The following CDH9 variants were observed in gnomAD, a reference collection of about 807,000 sequenced individuals.
CDH9 encodes the protein cadherin 9.
A neutral mutation model predicts 70.9 loss-of-function variants in CDH9; 28 were observed. That is an observed-to-expected ratio of 0.40 (90% CI 0.29 to 0.54). The LOEUF is 0.54. Ranked by LOEUF, CDH9 falls within the 20% of genes least tolerant of loss-of-function variation. The probability of loss-of-function intolerance (pLI) is 0.59; values close to 1 mark genes in which losing one functional copy is unlikely to be tolerated. For missense variants in CDH9, 874 were observed against 984.4 expected, an observed-to-expected ratio of 0.89 and a Z score of 1.50; for synonymous variants, 409 against 343.1, an observed-to-expected ratio of 1.19 and a Z score of -2.12.
At chr5:26,904,911 A>G (rs374800043) in intron 5 of CDH9, among the ~76,000 whole-genome samples, 1 of 152,116 alleles carries the variant, frequency 6.6e-6, no homozygotes, top group East Asian at 1.9e-4. Flanking sequence ...TATTATAGAT[A>G]ACAGAATTAC....
intron 7 of CDH9, among the ~76,000 whole-genome samples, chr5:26,900,621 C>G (rs770809065): frequency 6.6e-6 from 1 of 152,036 alleles, no homozygotes; most frequent in South Asian, 2.1e-4. Flanking sequence ...AATTGTCCAG[C>G]AATAACATGT....
intron 1 of CDH9, among the ~76,000 whole-genome samples, chr5:27,005,295 G>A (rs1457480925): frequency 2.0e-5 from 3 of 151,914 alleles, no homozygotes; most frequent in African/African-American, 4.8e-5. Flanking sequence ...ATACCATCCT[G>A]GACATAGGAA....
At chr5:26,910,261 A>ATCTC (rs1741028598) in intron 3 of CDH9, among the ~76,000 whole-genome samples, 1 of 148,298 alleles carries the variant, frequency 6.7e-6, no homozygotes, top group Non-Finnish European at 1.5e-5. Flanking sequence ...CTATCTATCT[A>ATCTC]TCTGGCATTA....
intron 1 of CDH9, among the ~76,000 whole-genome samples, chr5:26,998,049 T>C (rs1235444116): frequency 1.3e-5 from 2 of 152,160 alleles, no homozygotes; most frequent in Non-Finnish European, 2.9e-5. Flanking sequence ...AAAGTTGATA[T>C]GCCAAAATAT....
intron 2 of CDH9, among the ~76,000 whole-genome samples, chr5:26,987,692 A>T (rs1742511078): frequency 6.6e-6 from 1 of 152,056 alleles, no homozygotes; most frequent in Admixed American, 6.6e-5. Context: ...TCTAGATTAC[A>T]AGCAGGAAGC....
chr5:27,012,630 T>G (rs185539670), intron 1 of CDH9, among the ~76,000 whole-genome samples: 1 of 151,956 alleles, frequency 6.6e-6, no homozygotes, highest in Admixed American at 6.6e-5. Flanking sequence ...TACAGATTAT[T>G]TGTACAAGCC....
At chr5:26,944,833 A>G (rs775628392) in intron 2 of CDH9, among the ~76,000 whole-genome samples, 23 of 152,148 alleles carry the variant, frequency 1.5e-4, no homozygotes, top group Non-Finnish European at 2.6e-4. Context: ...CACCGACAGG[A>G]AGCTAATCTC....
At chr5:27,037,785 G>GCCTAC (rs912887540) in intron 1 of CDH9, among the ~76,000 whole-genome samples, 3 of 151,798 alleles carry the variant, frequency 2.0e-5, no homozygotes, top group African/African-American at 7.3e-5. Flanking sequence ...AGACATATTT[G>GCCTAC]CCTACAATAA....
At chr5:27,015,571 A>T (rs1001431125) in intron 1 of CDH9, among the ~76,000 whole-genome samples, 9 of 151,710 alleles carry the variant, frequency 5.9e-5, no homozygotes, top group Non-Finnish European at 1.0e-4. Flanking sequence ...AAAGCCAATA[A>T]AAAGTATCCT....
intron 2 of CDH9, among the ~76,000 whole-genome samples, chr5:26,917,185 T>A (rs1476325556): frequency 6.6e-6 from 1 of 152,038 alleles, no homozygotes; most frequent in East Asian, 1.9e-4. Context: ...TTTTGATATA[T>A]GCTTACATTA....
At chr5:27,031,383 T>C (rs551900616) in intron 1 of CDH9, among the ~76,000 whole-genome samples, 9 of 152,054 alleles carry the variant, frequency 5.9e-5, no homozygotes, top group African/African-American at 2.2e-4. Context: ...ATAACTGAAG[T>C]AGAATTTTCA....
intron 1 of CDH9, among the ~76,000 whole-genome samples, chr5:27,027,274 C>T (rs1016946216): frequency 1.3e-5 from 2 of 151,920 alleles, no homozygotes; most frequent in African/African-American, 4.8e-5. Context: ...CCATTGTGTG[C>T]TATGTCAACT....
chr5:27,036,752 T>C (rs1282335548), intron 1 of CDH9, among the ~76,000 whole-genome samples: 2 of 151,824 alleles, frequency 1.3e-5, no homozygotes, highest in East Asian at 3.9e-4. Flanking sequence ...TCAAAACACA[T>C]ATAGAGATGT....
intron 2 of CDH9, among the ~76,000 whole-genome samples, chr5:26,946,533 C>T (rs1741756894): frequency 6.6e-6 from 1 of 151,968 alleles, no homozygotes; most frequent in Non-Finnish European, 1.5e-5. Flanking sequence ...TAGTAAGTGG[C>T]AAGTTTTGAA....
At chr5:26,895,311 C>A (rs190545788) in intron 7 of CDH9, among the ~76,000 whole-genome samples, 2 of 151,988 alleles carry the variant, frequency 1.3e-5, no homozygotes, top group East Asian at 1.9e-4. Context: ...TAGTTCAAAT[C>A]TTTTTTGCAG....
intron 1 of CDH9, among the ~76,000 whole-genome samples, chr5:27,031,077 T>TC (rs1293307288): frequency 6.6e-6 from 1 of 151,686 alleles, no homozygotes; most frequent in African/African-American, 2.4e-5. Context: ...TAAAGGTAAT[T>TC]AAAGATCACT....
intron 1 of CDH9, among the ~76,000 whole-genome samples, chr5:27,010,664 A>G (rs536739708): frequency 6.6e-6 from 1 of 152,108 alleles, no homozygotes; most frequent in South Asian, 2.1e-4. Context: ...CCTTCGAGAA[A>G]AATTCATCTT....
intron 1 of CDH9, among the ~76,000 whole-genome samples, chr5:27,022,375 T>G (rs1743153004): frequency 6.6e-6 from 1 of 152,088 alleles, no homozygotes; most frequent in Non-Finnish European, 1.5e-5. Context: ...CGTTGTCTTC[T>G]TCAAAGGATT....
At chr5:26,900,800 AT>A (rs958202427) in intron 7 of CDH9, among the ~76,000 whole-genome samples, 1 of 152,046 alleles carries the variant, frequency 6.6e-6, no homozygotes, top group Non-Finnish European at 1.5e-5. Context: ...AACATTGATG[AT>A]TTTTTTGAAA....
Sources: allele counts gnomAD v4.1 joint callset (sites outside exome capture counted in the v4.1 genomes callset), GRCh38; gene constraint gnomAD v4.1.1; transcripts MANE v1.5; gene names NCBI Gene and HGNC (gene_info 2026-07-23, HGNC 2026-07-21).